Variants in SENP1 observed in about 807,000 individuals in gnomAD.
SENP1 encodes the protein SUMO specific peptidase 1, also known as sentrin-specific protease 1.
In SENP1, 21 loss-of-function variants were observed where a neutral mutation model predicts 93.0. That is an observed-to-expected ratio of 0.23 (90% CI 0.16 to 0.33). The LOEUF (loss-of-function observed/expected upper bound fraction) is 0.33. SENP1 is among the 10% of genes least tolerant of loss of function. The pLI, the probability that SENP1 is intolerant of heterozygous loss-of-function variation, is 1.00. For missense variants in SENP1, 591 were observed against 758.7 expected (o/e 0.78, Z 2.60); for synonymous variants, 256 against 259.6 (o/e 0.99, Z 0.13).
At chr12:48,071,021 C>T (rs1943656388) in intron 9 of SENP1, among the ~76,000 whole-genome samples, 1 of 152,150 alleles carries the variant, frequency 6.6e-6, no homozygotes, top group Non-Finnish European at 1.5e-5. Context: ...GAGTTCAAAG[C>T]TCCAGTGAGC....
intron 5 of SENP1, among the ~76,000 whole-genome samples, chr12:48,087,264 T>C (rs1296288073): frequency 1.3e-5 from 2 of 152,174 alleles, no homozygotes; most frequent in African/African-American, 4.8e-5. Context: ...GAGAAAAGTA[T>C]GTAGAAGGAT....
chr12:48,093,387 G>A (rs931278619), intron 4 of SENP1, among the ~76,000 whole-genome samples: 3 of 150,648 alleles, frequency 2.0e-5, no homozygotes, highest in Non-Finnish European at 4.4e-5. Context: ...GGGTTCAAGC[G>A]ATTCTTCTGC....
intron 1 of SENP1, 164 bp downstream of exon 1, chr12:48,105,864 G>A (rs1946518945): frequency 5.0e-6 from 3 of 605,730 alleles, no homozygotes; most frequent in Non-Finnish European, 5.9e-6. Context: ...GCAGGGGGGA[G>A]GGGAGGTGGT....
At chr12:48,068,296 T>C (rs551911359) in intron 9 of SENP1, among the ~76,000 whole-genome samples, 1 of 152,326 alleles carries the variant, frequency 6.6e-6, no homozygotes, top group East Asian at 1.9e-4. Flanking sequence ...AAGAGATGCA[T>C]TATTTCTCAT....
intron 13 of SENP1, among the ~76,000 whole-genome samples, chr12:48,049,986 C>A (rs1329563186): frequency 4.6e-5 from 7 of 152,082 alleles, no homozygotes; most frequent in Admixed American, 3.3e-4. Flanking sequence ...ATGTGTGATT[C>A]TTTGTTAATG....
chr12:48,085,058 A>C, intron 5 of SENP1: 1 of 1,268,018 alleles, frequency 7.9e-7, no homozygotes, highest in Non-Finnish European at 1.1e-6. Context: ...GCCTGGCTGC[A>C]GGGATGGCGG....
intron 13 of SENP1, among the ~76,000 whole-genome samples, chr12:48,061,592 G>A (rs1942963834): frequency 6.6e-6 from 1 of 152,042 alleles, no homozygotes; most frequent in Non-Finnish European, 1.5e-5. Flanking sequence ...TTTTTTTGTA[G>A]AGATCGGGTC....
At chr12:48,094,839 T>C (rs748512323) in intron 4 of SENP1, among the ~76,000 whole-genome samples, 1 of 152,206 alleles carries the variant, frequency 6.6e-6, no homozygotes, top group African/African-American at 2.4e-5. Flanking sequence ...AATTGGCATA[T>C]GAAATTATAA....
At chr12:48,085,335 C>A (rs1944782808) in intron 5 of SENP1, 1 of 1,461,800 alleles carries the variant, frequency 6.8e-7, no homozygotes. Flanking sequence ...CCTGGAGATC[C>A]CCTCCAAGGA....
At chr12:48,073,466 T>C (rs1282254219) in intron 8 of SENP1, among the ~76,000 whole-genome samples, 2 of 151,836 alleles carry the variant, frequency 1.3e-5, no homozygotes, top group African/African-American at 2.4e-5. Flanking sequence ...GAAAGACTAG[T>C]GCTCCATCTA....
chr12:48,049,228 C>A, intron 13 of SENP1, 96 bp from the exon 14 acceptor site: 1 of 874,848 alleles, frequency 1.1e-6, no homozygotes, highest in Non-Finnish European at 1.8e-6. Context: ...GTAATTGTTT[C>A]CTAATAAACT....
In SENP1 at chr12:48,071,682, T is replaced by C. The variant is rs757921899; in HGVS notation, c.980A>G (p.Gln327Arg). 5.6e-6 allele frequency: 9 copies of C among 1,607,396 alleles called. 1 individual carries two copies. In the South Asian group the frequency reaches 7.7e-5, roughly 14 times the overall value. ...SVILLKVKDS[Q>R]TPTPSSTFFQ... ...CAAAGTTTACCTGGGAGTTGGAGTC[T>C]GGGAATCTTTCACTTTCAGTAAAAT... Residue 327 changes from glutamine (Q) to arginine (R), a missense_variant, in exon 9 of 18, where the codon CAG (glutamine) becomes CGG (arginine). This residue lies in a region of SENP1 where 238 missense variants were observed against 259.1 expected (regional missense o/e 0.92). Transcript: ENST00000549518.
At chr12:48,047,889 T>G (rs1941489479) in intron 15 of SENP1, 112 bp downstream of exon 15, 2 of 690,252 alleles carry the variant, frequency 2.9e-6, no homozygotes, top group African/African-American at 1.8e-5. Flanking sequence ...TTACTTAATA[T>G]GAAGATTTTA....
chr12:48,051,769 C>A (rs771583013), intron 13 of SENP1, among the ~76,000 whole-genome samples: 2 of 152,222 alleles, frequency 1.3e-5, no homozygotes, highest in Non-Finnish European at 2.9e-5. Flanking sequence ...CTGTCCCCGA[C>A]GCCAAGTTGG....
At chr12:48,081,674 G>C (rs748893539) in intron 6 of SENP1, among the ~76,000 whole-genome samples, 3 of 145,546 alleles carry the variant, frequency 2.1e-5, no homozygotes, top group Non-Finnish European at 4.5e-5. Flanking sequence ...GGGCTCAAAC[G>C]ATCTTCCTGC....
rs1941258356 is a variant in SENP1, at chr12:48,044,968, T to C, written c.*354A>G. ...AGTAAGGCCTAACAACAAGAATTTA[T>C]ATGAAACCAAGATTCTTTCCAAGCT... is the stretch of plus-strand genomic sequence containing the variant. On this transcript the variant is annotated 3_prime_UTR_variant, in exon 18 of 18. Transcript: ENST00000549518. 1 of 262,530 alleles carries C rather than the reference T, an allele frequency of 3.8e-6. No individual in the cohort carries two copies. Among genetic ancestry groups the C allele is most frequent in the East Asian group, 6.6e-5 (1 of 15,082 alleles). The allele number at this position is 262,530 out of a possible 1,614,324, so 16.3% of individuals were successfully genotyped here.
chr12:48,076,758 T>A (rs1944114983), intron 6 of SENP1, among the ~76,000 whole-genome samples: 1 of 151,788 alleles, frequency 6.6e-6, no homozygotes, highest in Non-Finnish European at 1.5e-5. Context: ...TTCTCCTGCT[T>A]CAGCCTCCCT....
intron 1 of SENP1, among the ~76,000 whole-genome samples, chr12:48,104,947 T>C (rs1225182058): frequency 6.6e-6 from 1 of 152,230 alleles, no homozygotes; most frequent in Non-Finnish European, 1.5e-5. Context: ...AAACTGGAAG[T>C]AGGTTAAGGG....
Position 48,066,975 on chromosome 12 carries a change from G to A in SENP1, c.996-10C>T, listed in dbSNP as rs1592354417. 9 of 1,546,276 alleles carry A rather than the reference G, an allele frequency of 5.8e-6. No individual in the cohort carries two copies. The East Asian group carries it at 2.2e-4, about 37-fold the overall frequency. ...CTGGAAGAAAGTAGAACTATGGGTA[G>A]GAAAAGAAAAATTTGACAAATGAGC... On this transcript the variant is annotated splice_polypyrimidine_tract_variant and intron_variant, in intron 9 of 17. Transcript: ENST00000549518.
Sources: gnomAD v4.1 joint callset for allele counts (sites outside exome capture counted in the v4.1 genomes callset) on GRCh38, gnomAD v4.1.1 for gene constraint, gnomAD v4.1.1 regional missense constraint, MANE v1.5 for transcripts, NCBI Gene and HGNC (gene_info 2026-07-23, HGNC 2026-07-21) for gene names.